ANKRD62: variants seen among roughly 807,000 people sequenced by gnomAD.
The protein encoded by ANKRD62 is ankyrin repeat domain-containing protein 62.
ANKRD62 carries 61 observed loss-of-function variants against 98.8 expected under a neutral mutation model. The observed-to-expected ratio is 0.62, with a 90% confidence interval of 0.50 to 0.76. The LOEUF (loss-of-function observed/expected upper bound fraction) is 0.76. ANKRD62 is among the 30% of genes least tolerant of loss of function. The pLI, the probability that ANKRD62 is intolerant of heterozygous loss-of-function variation, is 0.00. For missense variants in ANKRD62, 933 were observed against 1,082.9 expected (o/e 0.86, Z 1.94); for synonymous variants, 341 against 367.9 (o/e 0.93, Z 0.84).
the ANKRD62 span, among the ~76,000 whole-genome samples, chr18:12,172,752 C>T: frequency 1.3e-5 from 2 of 152,206 alleles, no homozygotes; most frequent in African/African-American, 4.8e-5. Context: ...GCAGTGGGCT[C>T]CACCCAGGTC....
At chr18:12,137,830 CA>C in the ANKRD62 span, among the ~76,000 whole-genome samples, 1 of 152,138 alleles carries the variant, frequency 6.6e-6, no homozygotes, top group Non-Finnish European at 1.5e-5. Flanking sequence ...AGTTTATTTG[CA>C]GTGAGGTGTT....
intron 8 of ANKRD62, among the ~76,000 whole-genome samples, chr18:12,111,876 G>A (rs886401292): frequency 1.3e-5 from 2 of 152,040 alleles, no homozygotes; most frequent in Non-Finnish European, 2.9e-5. Context: ...TCTACAAGGA[G>A]AACTACAAAA....
chr18:12,175,636 C>T, the ANKRD62 span, among the ~76,000 whole-genome samples: 2 of 152,012 alleles, frequency 1.3e-5, no homozygotes, highest in African/African-American at 2.4e-5. Context: ...TGACCCAAGG[C>T]TGCCCTGCAA....
chr18:12,181,397 C>A, the ANKRD62 span, among the ~76,000 whole-genome samples: 1 of 152,118 alleles, frequency 6.6e-6, no homozygotes, highest in Admixed American at 6.6e-5. Context: ...AGGACAACTA[C>A]CTTATAAACT....
chr18:12,138,723 G>C, the ANKRD62 span, among the ~76,000 whole-genome samples: 6 of 152,064 alleles, frequency 3.9e-5, no homozygotes, highest in Non-Finnish European at 7.4e-5. Flanking sequence ...TATGAATCTG[G>C]GTGCTCCTGT....
chr18:12,169,149 G>A, the ANKRD62 span, among the ~76,000 whole-genome samples: 1 of 152,076 alleles, frequency 6.6e-6, no homozygotes. Context: ...TGATTGCCCT[G>A]GCCAGGACTT....
At chr18:12,166,676 T>C in the ANKRD62 span, among the ~76,000 whole-genome samples, 1 of 152,116 alleles carries the variant, frequency 6.6e-6, no homozygotes, top group Non-Finnish European at 1.5e-5. Context: ...TCCTAAATGG[T>C]CTTGATACTT....
At chr18:12,139,222 C>T in the ANKRD62 span, among the ~76,000 whole-genome samples, 2 of 152,120 alleles carry the variant, frequency 1.3e-5, no homozygotes, top group Non-Finnish European at 2.9e-5. Context: ...TTCAGGAGCT[C>T]TTTTAGGGCA....
intron 10 of ANKRD62, among the ~76,000 whole-genome samples, chr18:12,119,346 CTT>C (rs56255574): frequency 0.012 from 1,579 of 132,494 alleles, 22 homozygotes; most frequent in African/African-American, 0.04. Context: ...TGATCTTCTT[CTT>C]TTTTTTTTTT....
the ANKRD62 span, among the ~76,000 whole-genome samples, chr18:12,137,547 A>T: frequency 1.3e-5 from 2 of 152,204 alleles, no homozygotes; most frequent in Non-Finnish European, 2.9e-5. Context: ...TGGTATCAGG[A>T]TGATGCTGGC....
Position 12,124,282 on chromosome 18 carries a change from G to A in ANKRD62, c.1600G>A (p.Glu534Lys). Residue 534 changes from glutamate (E) to lysine (K), a missense_variant, in exon 12 of 14, where the codon GAA (glutamate) becomes AAA (lysine). Coordinates refer to ENST00000587848, the MANE Select transcript of ANKRD62 (RefSeq NM_001277333.2). ...KQSKLTLKSL[E>K]VELKTVRSNS... Reference sequence around the variant, plus strand: ...ATCTAAACTGACTCTCAAATCATTGGAAGTGGAATTGAAGACTGTAAGAAG... The same window carrying A: ...ATCTAAACTGACTCTCAAATCATTGAAAGTGGAATTGAAGACTGTAAGAAG... The A allele has an allele frequency of 3.0e-6, 4 of 1,321,152 alleles. No homozygotes were observed. In the African/African-American group the frequency reaches 4.5e-5, roughly 15 times the overall value. The allele number at this position is 1,321,152 out of a possible 1,614,324, so 81.8% of individuals were successfully genotyped here.
chr18:12,115,025 A>C (rs889856490), intron 8 of ANKRD62, 63 bp from the exon 9 acceptor site: 11 of 1,230,378 alleles, frequency 8.9e-6, no homozygotes, highest in Non-Finnish European at 1.2e-5. Flanking sequence ...AAAGTTTTAG[A>C]TATTCTTTGT....
the ANKRD62 span, among the ~76,000 whole-genome samples, chr18:12,135,828 G>A: frequency 1.3e-5 from 2 of 152,140 alleles, no homozygotes; most frequent in Non-Finnish European, 2.9e-5. Flanking sequence ...TTTTTTGGCT[G>A]CATAAATGTC....
chr18:12,107,319 A>T lies in ANKRD62; in HGVS notation c.916A>T (p.Arg306Ter). 6.7e-7 allele frequency: 1 copy of T among 1,495,270 alleles called. No individual in the cohort carries two copies. The highest frequency in any genetic ancestry group is 1.3e-5 in the South Asian group (1 of 75,160). The allele number at this position is 1,495,270 out of a possible 1,614,324, so 92.6% of individuals were successfully genotyped here. ...GGTTGAAGAAAAAATGAAGAAATGCAGAAATAAGAAAATGGAAGTGTCAAG... is the reference window on the plus strand; with the variant it reads ...GGTTGAAGAAAAAATGAAGAAATGCTGAAATAAGAAAATGGAAGTGTCAAG... ...PQVEEKMKKC[R>*]NKKMEVSRNV... The change falls in exon 8 of 14, where the codon AGA becomes TGA. Residue 306 changes from arginine (R) to a stop codon, truncating the protein, a stop_gained. Coordinates refer to ENST00000587848, the MANE Select transcript of ANKRD62 (RefSeq NM_001277333.2). LOFTEE classifies it high-confidence loss of function.
At chr18:12,159,744 G>T in the ANKRD62 span, among the ~76,000 whole-genome samples, 1 of 152,014 alleles carries the variant, frequency 6.6e-6, no homozygotes. Flanking sequence ...GGTAGTGGTG[G>T]TTCTTATAAT....
the ANKRD62 span, among the ~76,000 whole-genome samples, chr18:12,170,928 T>C: frequency 6.6e-6 from 1 of 151,456 alleles, no homozygotes; most frequent in Non-Finnish European, 1.5e-5. Context: ...TTAAAGTCTG[T>C]TTTATCAGAG....
chr18:12,158,225 A>G, the ANKRD62 span, among the ~76,000 whole-genome samples: 1 of 152,210 alleles, frequency 6.6e-6, no homozygotes, highest in Non-Finnish European at 1.5e-5. Flanking sequence ...TGAGAAGGCA[A>G]GGGACCTGAG....
At position 12,115,393 on chromosome 18, in the gene ANKRD62, G is replaced by C; in HGVS notation, c.1099G>C (p.Val367Leu). The C allele has an allele frequency of 6.5e-7, 1 of 1,531,948 alleles. No homozygotes were observed. The highest frequency in any genetic ancestry group is 8.7e-7 in the Non-Finnish European group (1 of 1,144,398). The allele number at this position is 1,531,948 out of a possible 1,614,324, so 94.9% of individuals were successfully genotyped here. A position where few individuals can be genotyped will look rare whatever the true frequency, so the allele number is the denominator to read the frequency against. ...ARKTSNEKSK[V>L]KSQIYFTDDL... The stretch of plus-strand genomic sequence containing the variant: ...TGAAACAGTGTTATTTATTTTATAG[G>C]TTAAAAGCCAAATATATTTCACGGA... The change falls in exon 10 of 14, where the codon GTT becomes CTT. Residue 367 changes from valine (V) to leucine (L), a missense_variant and splice_region_variant. Val to Leu is a conservative substitution (Grantham distance 32, BLOSUM62 1). Coordinates refer to ENST00000587848, the MANE Select transcript of ANKRD62 (RefSeq NM_001277333.2).
intron 10 of ANKRD62, among the ~76,000 whole-genome samples, chr18:12,118,150 T>A (rs530239308): frequency 2.4e-4 from 37 of 152,222 alleles, no homozygotes; most frequent in Non-Finnish European, 2.9e-4. Context: ...TACACTGACA[T>A]GTATGCGTGT....
Sources: gnomAD v4.1 joint callset for allele counts (sites outside exome capture counted in the v4.1 genomes callset) on GRCh38, gnomAD v4.1.1 for gene constraint, MANE v1.5 for transcripts, NCBI Gene and HGNC (gene_info 2026-07-23, HGNC 2026-07-21) for gene names.